Variants in SYCE1L observed in about 807,000 individuals in gnomAD.
The protein encoded by SYCE1L is synaptonemal complex central element protein 1 like.
In SYCE1L, 51 loss-of-function variants were observed where a neutral mutation model predicts 39.6. The observed-to-expected ratio is 1.29, with a 90% CI of 1.03 to 1.63. SYCE1L has a LOEUF of 1.63. Among genes scored for constraint, SYCE1L ranks in the 40% most tolerant of loss-of-function variants. The pLI, the probability that SYCE1L is intolerant of heterozygous loss-of-function variation, is 0.00. For synonymous variants in SYCE1L, 147 were observed against 122.4 expected, an observed-to-expected ratio of 1.20 and a Z score of -1.33; for missense variants, 426 against 304.9, an observed-to-expected ratio of 1.40 and a Z score of -2.96.
At chr16:77,205,268 C>G (rs990942355) in intron 1 of SYCE1L, among the ~76,000 whole-genome samples, 1 of 151,542 alleles carries the variant, frequency 6.6e-6, no homozygotes, top group East Asian at 1.9e-4. Flanking sequence ...AGCCGCCTTT[C>G]GTCTTCTCTT....
intron 2 of SYCE1L, among the ~76,000 whole-genome samples, chr16:77,207,778 C>T (rs2054795450): frequency 6.6e-6 from 1 of 152,142 alleles, no homozygotes; most frequent in Admixed American, 6.5e-5. Flanking sequence ...ACACGTGCCT[C>T]ACCCGCTCCT....
At chr16:77,212,451 G>T in intron 9 of SYCE1L, 82 bp downstream of exon 9, 1 of 1,537,178 alleles carries the variant, frequency 6.5e-7, no homozygotes. Context: ...CTCCGCCCCC[G>T]ACTGCCGCTT....
intron 1 of SYCE1L, 46 bp downstream of exon 1, chr16:77,199,558 A>G (rs1257829378): frequency 5.0e-6 from 7 of 1,410,020 alleles, no homozygotes; most frequent in East Asian, 2.5e-5. Context: ...CAACCAGGGC[A>G]GAAAGGAGGG....
chr16:77,203,814 C>T lies in SYCE1L; in HGVS notation c.62-2627C>T, dbSNP rs561771811. Reference sequence around the variant, plus strand: ...TTTGCCACGTTGGCCAAGCTGGTCTCGAACTCCTGACCTCAGATGATCCAC... The same window carrying T: ...TTTGCCACGTTGGCCAAGCTGGTCTTGAACTCCTGACCTCAGATGATCCAC... On this transcript the variant is annotated intron_variant, in intron 1 of 10. Coordinates refer to ENST00000378644, the MANE Select transcript of SYCE1L (RefSeq NM_001129979.3). Among the ~76,000 whole-genome samples, 9 of 152,068 alleles carry T rather than the reference C, an allele frequency of 5.9e-5. No homozygotes were observed. In the East Asian group the frequency reaches 1.6e-3, roughly 26 times the overall value.
chr16:77,208,875 C>G (rs2054804218), intron 4 of SYCE1L, among the ~76,000 whole-genome samples: 1 of 152,206 alleles, frequency 6.6e-6, no homozygotes, highest in Non-Finnish European at 1.5e-5. Context: ...GTACATTCTT[C>G]AGGGTCTTCA....
intron 2 of SYCE1L, 24 bp from the exon 3 acceptor site, chr16:77,208,186 C>G (rs9934426): frequency 1 from 1,547,881 of 1,550,260 alleles, 772,782 homozygotes; most frequent in East Asian, 1. Context: ...CTCTGGCTCA[C>G]TCTTTCTTCC....
In SYCE1L at chr16:77,208,469, G is replaced by A. The variant is rs1488669649; in HGVS notation, c.186G>A (p.Lys62=). 6.4e-7 allele frequency: 1 copy of A among 1,551,700 alleles called. No homozygotes were observed. Among genetic ancestry groups the A allele is most frequent in the African/African-American group, 1.4e-5 (1 of 73,154 alleles). ...ISRINDLQQA[K]KKSSEELRET... ...CTTTTTCCCTTCTTGGCCCAGCAAA[G>A]AAGAAATCCAGTGAGGAACTGAGAG... The change falls in exon 4 of 11, where the codon AAG becomes AAA. Residue 62 remains lysine (K), a synonymous_variant. Transcript: ENST00000378644.
intron 6 of SYCE1L, among the ~76,000 whole-genome samples, chr16:77,210,543 C>G (rs1308657939): frequency 6.6e-6 from 1 of 152,098 alleles, no homozygotes; most frequent in Non-Finnish European, 1.5e-5. Context: ...TAATGTCACC[C>G]TCCCATCACT....
At chr16:77,203,436 T>A (rs1233386946) in intron 1 of SYCE1L, among the ~76,000 whole-genome samples, 1 of 148,668 alleles carries the variant, frequency 6.7e-6, no homozygotes, top group Non-Finnish European at 1.5e-5. Flanking sequence ...AAAAAAGATA[T>A]AAAGAAGGTG....
Position 77,212,886 on chromosome 16 carries a change from C to CGAG in SYCE1L, c.690_692dup (p.Glu230dup). 1 of 1,527,180 alleles carries CGAG rather than the reference C, an allele frequency of 6.5e-7. No individual in the cohort carries two copies. Among genetic ancestry groups the CGAG allele is most frequent in the South Asian group, 1.2e-5 (1 of 82,528 alleles). 94.6% of individuals were successfully genotyped at this position (1,527,180 alleles called of 1,614,324 possible). On this transcript the variant is annotated inframe_insertion, in exon 11 of 11. Transcript: ENST00000378644. Reference sequence around the variant, plus strand: ...GACCTGAGCTCCCCCGCGCTCGCGACGAGGAGGATCCCGAGCCGCCGGTGG... The same window carrying CGAG: ...GACCTGAGCTCCCCCGCGCTCGCGACGAGGAGGAGGATCCCGAGCCGCCGGTGG...
In SYCE1L at chr16:77,199,516, G is replaced by A. The variant is rs965171145; in HGVS notation, c.61+4G>A. On this transcript the variant is annotated splice_donor_region_variant and intron_variant, in intron 1 of 10. Coordinates refer to ENST00000378644, the MANE Select transcript of SYCE1L (RefSeq NM_001129979.3). ...GAAGCTACTGAGGAGGCTGAAGGTA[G>A]TGAGGGCAAGTGGGCTGCACTCCTT... 8 of 1,550,612 alleles carry A rather than the reference G, an allele frequency of 5.2e-6. No homozygotes were observed. In the East Asian group the frequency reaches 1.2e-4, roughly 24 times the overall value.
chr16:77,200,746 CAAAAAAAAAAAAA>C (rs11344903), intron 1 of SYCE1L: 2 of 84,838 alleles, frequency 2.4e-5, no homozygotes, highest in Non-Finnish European at 4.7e-5. Flanking sequence ...ACAGAGTGAG[CAAAAAAAAAAAAA>C]AAAAAAGAAA....
Position 77,208,497 on chromosome 16 carries a change from A to T in SYCE1L, c.214A>T (p.Thr72Ser), listed in dbSNP as rs1191361638. The change falls in exon 4 of 11, where the codon ACC (threonine) becomes TCC (serine). Residue 72 changes from threonine to serine, a missense_variant. By Grantham distance (58) the Thr-to-Ser change is moderately conservative. Transcript: ENST00000378644. ...KKKSSEELRETHSLWEALHRE... is the reference protein window; with the variant it reads ...KKKSSEELRESHSLWEALHRE... ...GAAATCCAGTGAGGAACTGAGAGAG[A>T]CCCACAGTCTCTGGGAGGCCCTGCA... 2 of 1,551,544 alleles carry T rather than the reference A, an allele frequency of 1.3e-6. No individual in the cohort carries two copies. Among genetic ancestry groups the T allele is most frequent in the African/African-American group, 1.4e-5 (1 of 73,024 alleles).
At chr16:77,208,306 G>T in intron 3 of SYCE1L, 37 bp downstream of exon 3, 1 of 1,549,690 alleles carries the variant, frequency 6.5e-7, no homozygotes, top group Non-Finnish European at 8.7e-7. Flanking sequence ...GCTGGGGCGA[G>T]CAGGAAGTGA....
At chr16:77,204,766 C>T (rs79366571) in intron 1 of SYCE1L, among the ~76,000 whole-genome samples, 7,191 of 152,068 alleles carry the variant, frequency 0.047, 536 homozygotes, top group African/African-American at 0.16. Context: ...GGGATGTGGC[C>T]GGCTGCGGTG....
At chr16:77,201,777 T>G (rs935302341) in intron 1 of SYCE1L, 3 of 151,928 alleles carry the variant, frequency 2.0e-5, no homozygotes, top group Non-Finnish European at 2.9e-5. Context: ...AAATTCTAAT[T>G]TAAATGTATT....
intron 1 of SYCE1L, among the ~76,000 whole-genome samples, chr16:77,205,056 A>AAAAAGAAG (rs2054776279): frequency 7.1e-6 from 1 of 140,668 alleles, no homozygotes; most frequent in Non-Finnish European, 1.5e-5. Context: ...AAAAAAAAAA[A>AAAAAGAAG]AAAAGAAAAG....
intron 2 of SYCE1L, among the ~76,000 whole-genome samples, chr16:77,207,896 C>T (rs1186976695): frequency 6.6e-6 from 1 of 152,136 alleles, no homozygotes; most frequent in African/African-American, 2.4e-5. Flanking sequence ...GGACCTGCTT[C>T]CTTCTTCTCA....
At chr16:77,205,056 A>AAAAAAAGAAAAGAAAAG (rs1471925292) in intron 1 of SYCE1L, among the ~76,000 whole-genome samples, 2 of 140,668 alleles carry the variant, frequency 1.4e-5, no homozygotes, top group Non-Finnish European at 3.0e-5. Context: ...AAAAAAAAAA[A>AAAAAAAGAAAAGAAAAG]AAAAGAAAAG....
Sources: allele counts gnomAD v4.1 joint callset (sites outside exome capture counted in the v4.1 genomes callset), GRCh38; gene constraint gnomAD v4.1.1; transcripts MANE v1.5; gene names NCBI Gene and HGNC (gene_info 2026-07-23, HGNC 2026-07-21).